The following H2AZ2 variants were observed in gnomAD, a reference collection of about 807,000 sequenced individuals.
H2AZ2 encodes histone H2A.V.
A neutral mutation model predicts 15.5 loss-of-function variants in H2AZ2; 5 were observed. That is an observed-to-expected ratio of 0.32 (90% CI 0.17 to 0.68). The LOEUF is 0.68. Ranked by LOEUF, H2AZ2 falls within the 30% of genes least tolerant of loss-of-function variation. H2AZ2 has a pLI of 0.72. For synonymous variants in H2AZ2, 44 were observed against 57.4 expected, an observed-to-expected ratio of 0.77 and a Z score of 1.05; for missense variants, 42 against 162.5, an observed-to-expected ratio of 0.26 and a Z score of 4.03.
At chr7:44,846,310 T>G (rs994109701) in intron 1 of H2AZ2, among the ~76,000 whole-genome samples, 1 of 152,022 alleles carries the variant, frequency 6.6e-6, no homozygotes, top group African/African-American at 2.4e-5. Context: ...CACTAGAGAT[T>G]GAAAAATATC....
chr7:44,827,989 AG>A (rs1346417703), downstream of H2AZ2: 1 of 152,216 alleles, frequency 6.6e-6, no homozygotes, highest in Non-Finnish European at 1.5e-5. Flanking sequence ...GCTTACAGCT[AG>A]GAGACAAGAT....
At chr7:44,837,433 G>GAAAAAAAAAAAAAAAAAAAAAAAAA (rs71011996) in intron 3 of H2AZ2, among the ~76,000 whole-genome samples, 2 of 87,270 alleles carry the variant, frequency 2.3e-5, no homozygotes, top group Non-Finnish European at 4.2e-5. Context: ...AAAAAAAAAA[G>GAAAAAAAAAAAAAAAAAAAAAAAAA]AAAAAAAAAA....
intron 3 of H2AZ2, among the ~76,000 whole-genome samples, chr7:44,836,143 T>C (rs1354049947): frequency 6.6e-6 from 1 of 151,878 alleles, no homozygotes; most frequent in African/African-American, 2.4e-5. Context: ...TTTTGTTTTT[T>C]GTAGACACAA....
At chr7:44,836,380 TAA>T (rs1793123479) in intron 3 of H2AZ2, among the ~76,000 whole-genome samples, 3 of 152,160 alleles carry the variant, frequency 2.0e-5, no homozygotes, top group African/African-American at 4.8e-5. Flanking sequence ...TTTTTAAAAA[TAA>T]AAGAGATGGG....
intron 1 of H2AZ2, among the ~76,000 whole-genome samples, chr7:44,846,105 G>A (rs374000886): frequency 6.7e-6 from 1 of 148,836 alleles, no homozygotes; most frequent in Admixed American, 6.8e-5. Context: ...GTAGGAGTTC[G>A]TTCATTTTAC....
At chr7:44,831,544 C>CT (rs1170228369), downstream of H2AZ2, among the ~76,000 whole-genome samples, 5 of 144,104 alleles carry the variant, frequency 3.5e-5, no homozygotes, top group East Asian at 7.0e-4. Context: ...CCCCCCGCTT[C>CT]TTTTTTTTCA....
chr7:44,840,002 AAAATAAATAAATAAATAAAT>A (rs149563809), intron 3 of H2AZ2, among the ~76,000 whole-genome samples: 1 of 141,956 alleles, frequency 7.0e-6, no homozygotes. Context: ...ACCCTGTCTC[AAAATAAATAAATAAATAAAT>A]AAATAAATAA....
At chr7:44,847,833 G>T in intron 1 of H2AZ2, 136 bp downstream of exon 1, 1 of 1,214,124 alleles carries the variant, frequency 8.2e-7, no homozygotes, top group Non-Finnish European at 1.1e-6. Context: ...GCCCCCCGGC[G>T]GGCGGCGAGG....
intron 1 of H2AZ2, among the ~76,000 whole-genome samples, chr7:44,844,672 T>G (rs1793355618): frequency 1.3e-5 from 2 of 152,138 alleles, no homozygotes; most frequent in Non-Finnish European, 1.5e-5. Flanking sequence ...GTTGAATGGG[T>G]AGAGTTTCCA....
intron 3 of H2AZ2, among the ~76,000 whole-genome samples, chr7:44,837,034 C>CA (rs200528121): frequency 0.027 from 4,017 of 150,642 alleles, 187 homozygotes; most frequent in African/African-American, 0.079. Context: ...AACAAAACAA[C>CA]AAAAAAAACA....
chr7:44,831,622 C>T (rs1437398054), downstream of H2AZ2, among the ~76,000 whole-genome samples: 1 of 150,336 alleles, frequency 6.7e-6, no homozygotes, highest in Non-Finnish European at 1.5e-5. Flanking sequence ...TCAAAATGGG[C>T]GCCTATTCAA....
chr7:44,844,384 C>T (rs1372891712), intron 1 of H2AZ2, among the ~76,000 whole-genome samples: 4 of 152,046 alleles, frequency 2.6e-5, no homozygotes, highest in African/African-American at 9.7e-5. Context: ...TTATGAGGTC[C>T]CTAAAATAGT....
chr7:44,847,946 C>T (rs772866824), intron 1 of H2AZ2, 23 bp downstream of exon 1: 2 of 1,501,894 alleles, frequency 1.3e-6, no homozygotes, highest in South Asian at 2.5e-5. Flanking sequence ...CCCCGTGCCC[C>T]CGGCCCACCC....
In H2AZ2 at chr7:44,840,998, G is replaced by C; in HGVS notation, c.96C>G (p.Arg32=). 1.2e-6 allele frequency: 2 copies of C among 1,613,728 alleles called. No homozygotes were observed. The highest frequency in any genetic ancestry group is 1.7e-6 in the Non-Finnish European group (2 of 1,179,684). ...QRAGLQFPVG[R]IHRHLKTRTT... ...TGCGAGTCTTCAAGTGTCTGTGGAT[G>C]CGGCCCACAGGAAACTAAAAGAGAG... The change falls in exon 3 of 5, where the codon CGC becomes CGG. Residue 32 remains arginine, a synonymous_variant. Transcript: ENST00000308153.
In H2AZ2 at chr7:44,833,803, C is replaced by A; in HGVS notation, c.*698G>T. On this transcript the variant is annotated 3_prime_UTR_variant, in exon 5 of 5. Coordinates refer to ENST00000308153, the MANE Select transcript of H2AZ2 (RefSeq NM_012412.5). ...GTTCAATGTTTTTTGGCATAGCACACAATTTCTGTGACCCTTAGGCTCCAC... is the reference window on the plus strand; with the variant it reads ...GTTCAATGTTTTTTGGCATAGCACAAAATTTCTGTGACCCTTAGGCTCCAC... The A allele has an allele frequency of 1.4e-5, 8 of 592,064 alleles. No homozygotes were observed. Among genetic ancestry groups the A allele is most frequent in the Non-Finnish European group, 1.7e-5 (8 of 470,702 alleles). 36.7% of individuals were successfully genotyped at this position (592,064 alleles called of 1,614,324 possible).
Position 44,848,034 on chromosome 7 carries a change from C to T in H2AZ2, c.-63G>A. 1 of 1,115,110 alleles carries T rather than the reference C, an allele frequency of 9.0e-7. No individual in the cohort carries two copies. Among genetic ancestry groups the T allele is most frequent in the South Asian group, 3.1e-5 (1 of 32,494 alleles). 69.1% of individuals were successfully genotyped at this position (1,115,110 alleles called of 1,614,324 possible). A position where few individuals can be genotyped will look rare whatever the true frequency, so the allele number is the denominator to read the frequency against. The stretch of plus-strand genomic sequence containing the variant: ...CCCTCCCGCTGCCGACCCGCGCCGC[C>T]GCCGCCGCTCTCGCAGCACCGACCG... On this transcript the variant is annotated 5_prime_UTR_variant, in exon 1 of 5. Coordinates refer to ENST00000308153, the MANE Select transcript of H2AZ2 (RefSeq NM_012412.5).
chr7:44,842,267 G>A (rs538605484), intron 2 of H2AZ2, among the ~76,000 whole-genome samples: 10 of 152,214 alleles, frequency 6.6e-5, no homozygotes, highest in Admixed American at 4.6e-4. Flanking sequence ...GTCCACCAAC[G>A]TCCCTGTGCT....
rs981067764 is a variant in H2AZ2 at position 44,833,897 on chromosome 7, A to G, written c.*604T>C. ...TCTGCAAAGGGCCTGGCACATGGTAAGTGCTTGGTGTAGAATTCAAATAAT... is the reference window on the plus strand; with the variant it reads ...TCTGCAAAGGGCCTGGCACATGGTAGGTGCTTGGTGTAGAATTCAAATAAT... On this transcript the variant is annotated 3_prime_UTR_variant, in exon 5 of 5. Coordinates refer to ENST00000308153, the MANE Select transcript of H2AZ2 (RefSeq NM_012412.5). 2.0e-5 allele frequency among the ~76,000 whole-genome samples: 3 copies of G among 152,242 alleles called. No individual in the cohort carries two copies. The highest frequency in any genetic ancestry group is 7.2e-5 in the African/African-American group (3 of 41,462).
rs7801994 is a variant in H2AZ2 at position 44,833,077 on chromosome 7, A to G, written c.*1424T>C. On this transcript the variant is annotated 3_prime_UTR_variant, in exon 5 of 5. Coordinates refer to ENST00000308153, the MANE Select transcript of H2AZ2 (RefSeq NM_012412.5). Reference sequence around the variant, plus strand: ...GGATTTTTTTTTTTGAGACAGAGTCACACTCTGTCACCTAGGCTGGAGTGT... The same window carrying G: ...GGATTTTTTTTTTTGAGACAGAGTCGCACTCTGTCACCTAGGCTGGAGTGT... Among the ~76,000 whole-genome samples the G allele has an allele frequency of 0.76, 115,257 of 151,864 alleles. 46,220 individuals carry two copies. Among genetic ancestry groups the G allele is most frequent in the Non-Finnish European group, 0.9 (61,352 of 67,958 alleles).
Sources: allele counts gnomAD v4.1 joint callset (sites outside exome capture counted in the v4.1 genomes callset), GRCh38; gene constraint gnomAD v4.1.1; transcripts MANE v1.5; gene names NCBI Gene and HGNC (gene_info 2026-07-23, HGNC 2026-07-21).